Variants in LRCH3 observed in about 807,000 individuals in gnomAD.
The protein encoded by LRCH3 is DISP complex protein LRCH3.
LRCH3 carries 68 observed loss-of-function variants against 104.5 expected under a neutral mutation model. The observed-to-expected ratio is 0.65, with a 90% CI of 0.54 to 0.80. LRCH3 has a LOEUF of 0.80. Among genes scored for constraint, LRCH3 ranks in the 30% least tolerant of loss-of-function variants. The pLI, the probability that LRCH3 is intolerant of heterozygous loss-of-function variation, is 0.00. For missense variants in LRCH3, 951 were observed against 953.9 expected (o/e 1.00, Z 0.04); for synonymous variants, 344 against 361.3 (o/e 0.95, Z 0.54).
intron 14 of LRCH3, among the ~76,000 whole-genome samples, chr3:197,858,449 T>C (rs1057153375): frequency 4.6e-5 from 7 of 152,102 alleles, no homozygotes; most frequent in East Asian, 1.9e-4. Context: ...TGAAAAGATA[T>C]TGTTTTTATT....
rs888653236 is a variant in LRCH3, at chr3:197,835,554, A to G, written c.1103-120A>G. 5 of 1,294,882 alleles carry G rather than the reference A, an allele frequency of 3.9e-6. No individual in the cohort carries two copies. In the African/African-American group the frequency reaches 7.7e-5, roughly 20 times the overall value. The allele number at this position is 1,294,882 out of a possible 1,614,324, so 80.2% of individuals were successfully genotyped here. ...ATTTAAAGTTTTTATCATCCCTCCC[A>G]CTTTCAAAATAGAAAATCATGGGGA... is the stretch of plus-strand genomic sequence containing the variant. On this transcript the variant is annotated intron_variant, in intron 8 of 20. Transcript: ENST00000425562.
rs1461367507 is a variant in LRCH3 at position 197,810,044 on chromosome 3, G to T, written c.263-4864G>T. On this transcript the variant is annotated intron_variant, in intron 1 of 20. Coordinates refer to ENST00000425562, the MANE Select transcript of LRCH3 (RefSeq NM_001365715.1). This position sits in a 1 kb window ranked among gnomAD's most constrained non-coding sequence, Gnocchi z 4.0. Reference sequence around the variant, plus strand: ...GTAGGGGTGAGGCTACTCAAAGGTTGCATGGGAAGCCTGTTTTTTTCCAGT... The same window carrying T: ...GTAGGGGTGAGGCTACTCAAAGGTTTCATGGGAAGCCTGTTTTTTTCCAGT... Among the ~76,000 whole-genome samples the T allele has an allele frequency of 6.6e-6, 1 of 152,180 alleles. No homozygotes were observed. The highest frequency in any genetic ancestry group is 2.4e-5 in the African/African-American group (1 of 41,450).
At chr3:197,833,375 A>G (rs1368910122) in intron 8 of LRCH3, among the ~76,000 whole-genome samples, 10 of 146,932 alleles carry the variant, frequency 6.8e-5, no homozygotes, top group African/African-American at 2.5e-4. Context: ...GAAAAAAAAA[A>G]AAAAAAAAAA....
chr3:197,797,317 A>G, intron 1 of LRCH3, among the ~76,000 whole-genome samples: 1 of 110,968 alleles, frequency 9.0e-6, no homozygotes, highest in Admixed American at 1.2e-4. Context: ...CAACGAGCAA[A>G]ACTCCATCTC....
Position 197,886,095 on chromosome 3 carries a change from T to G in LRCH3, c.*2429T>G, listed in dbSNP as rs2109595485. ...GGCTCATGCCTATAATCCCAGCACTTTGGGAGGCCGAGGCAAGAGGATCAC... is the reference window on the plus strand; with the variant it reads ...GGCTCATGCCTATAATCCCAGCACTGTGGGAGGCCGAGGCAAGAGGATCAC... On this transcript the variant is annotated 3_prime_UTR_variant, in exon 21 of 21. Transcript: ENST00000425562. The G allele has an allele frequency of 6.6e-6, 1 of 152,190 alleles. No individual in the cohort carries two copies. Among genetic ancestry groups the G allele is most frequent in the Non-Finnish European group, 1.5e-5 (1 of 68,056 alleles). 9.4% of individuals were successfully genotyped at this position (152,190 alleles called of 1,614,324 possible).
chr3:197,854,722 A>G lies in LRCH3; in HGVS notation c.1644+277A>G, dbSNP rs1362874646. On this transcript the variant is annotated intron_variant, in intron 14 of 20. Transcript: ENST00000425562. The surrounding 1 kb of genome is among the most constrained non-coding windows in gnomAD (Gnocchi z 4.5). ...GGAATGGAGGCATAACATAATATTC[A>G]TGTTTTAAATGTGTCTAATTCCAGG... 6.6e-6 allele frequency among the ~76,000 whole-genome samples: 1 copy of G among 152,170 alleles called. No individual in the cohort carries two copies. The highest frequency in any genetic ancestry group is 2.4e-5 in the African/African-American group (1 of 41,428).
intron 8 of LRCH3, among the ~76,000 whole-genome samples, chr3:197,834,576 T>G (rs531866856): frequency 9.2e-5 from 14 of 152,340 alleles, no homozygotes; most frequent in African/African-American, 3.4e-4. Context: ...GAGTTGACTG[T>G]GTTCGGTTTT....
chr3:197,841,399 T>C (rs908403597), intron 10 of LRCH3, among the ~76,000 whole-genome samples: 4 of 152,234 alleles, frequency 2.6e-5, no homozygotes, highest in Non-Finnish European at 5.9e-5. Context: ...ATCCTCCTTA[T>C]GTTTGGAATC....
At chr3:197,879,513 G>A (rs539074102) in intron 20 of LRCH3, among the ~76,000 whole-genome samples, 4 of 151,584 alleles carry the variant, frequency 2.6e-5, no homozygotes, top group African/African-American at 7.3e-5. Context: ...GGGCGTGGTG[G>A]CGGGCGCCTG....
intron 1 of LRCH3, among the ~76,000 whole-genome samples, chr3:197,809,905 G>A (rs570046779): frequency 6.6e-6 from 1 of 152,154 alleles, no homozygotes; most frequent in South Asian, 2.1e-4. Flanking sequence ...TATTTGGTTT[G>A]AGATCTTCCT....
At position 197,812,021 on chromosome 3, in the gene LRCH3, T is replaced by A. The variant is rs1000384649; in HGVS notation, c.263-2887T>A. Among the ~76,000 whole-genome samples the A allele has an allele frequency of 2.0e-5, 3 of 152,144 alleles. 1 individual carries two copies. Among genetic ancestry groups the A allele is most frequent in the Non-Finnish European group, 4.4e-5 (3 of 68,032 alleles). On this transcript the variant is annotated intron_variant, in intron 1 of 20. Coordinates refer to ENST00000425562, the MANE Select transcript of LRCH3 (RefSeq NM_001365715.1). ...AGTACTACATGTTTGATTTTTTAAA[T>A]TGTTGTGGTAAAATATGCCATTTTA... is the stretch of plus-strand genomic sequence containing the variant.
Position 197,847,414 on chromosome 3 carries a change from C to T in LRCH3, c.1334C>T (p.Pro445Leu). ...TTTTTTCTTTTTTGGGTCAGGGTTCCAGCTGAGCCATCTTCCCTCCTGTCA... is the reference window on the plus strand; with the variant it reads ...TTTTTTCTTTTTTGGGTCAGGGTTCTAGCTGAGCCATCTTCCCTCCTGTCA... ...MRRYLHQNRV[P>L]AEPSSLLSLS... Residue 445 changes from proline (P) to leucine (L), a missense_variant, in exon 11 of 21, where the codon CCA (proline) becomes CTA (leucine). Pro to Leu is a moderately conservative substitution (Grantham distance 98, BLOSUM62 -3). Coordinates refer to ENST00000425562, the MANE Select transcript of LRCH3 (RefSeq NM_001365715.1). 1.9e-6 allele frequency: 3 copies of T among 1,595,006 alleles called. No individual in the cohort carries two copies. Among genetic ancestry groups the T allele is most frequent in the South Asian group, 1.1e-5 (1 of 87,070 alleles).
At chr3:197,832,121 C>T in intron 7 of LRCH3, 76 bp from the exon 8 acceptor site, 1 of 1,486,328 alleles carries the variant, frequency 6.7e-7, no homozygotes, top group Non-Finnish European at 9.1e-7. Flanking sequence ...TTTGGTCTCC[C>T]AAAGCGCATG....
intron 1 of LRCH3, among the ~76,000 whole-genome samples, chr3:197,805,692 T>A (rs146086573): frequency 0.02 from 3,024 of 151,256 alleles, 48 homozygotes; most frequent in East Asian, 0.049. Flanking sequence ...ATTGAAAACC[T>A]AATGACAGCC....
intron 14 of LRCH3, 89 bp from the exon 15 acceptor site, chr3:197,858,745 T>C: frequency 9.5e-7 from 1 of 1,054,842 alleles, no homozygotes; most frequent in Non-Finnish European, 1.5e-6. Context: ...ACCTTTCCTT[T>C]TCTCATTTCA....
chr3:197,852,532 CT>C (rs753155718), intron 12 of LRCH3, 28 bp from the exon 13 acceptor site: 1 of 1,611,790 alleles, frequency 6.2e-7, no homozygotes. Flanking sequence ...AACCAACTTC[CT>C]TTTTTGGGGG....
Position 197,871,329 on chromosome 3 carries a change from T to C in LRCH3, c.1997T>C (p.Ile666Thr), listed in dbSNP as rs1364710179. ...LELIDQLRKH[I>T]EYRLKVSLPC... ...ACATGTTTTTTGTTCTTTCAGCATA[T>C]TGAGTACCGGTTGAAAGTGTCTCTA... The change falls in exon 19 of 21, where the codon ATT becomes ACT. Residue 666 changes from isoleucine to threonine, a missense_variant. Transcript: ENST00000425562. 2.5e-6 allele frequency: 4 copies of C among 1,612,848 alleles called. No individual in the cohort carries two copies. The South Asian group carries it at 3.3e-5, about 13-fold the overall frequency.
At chr3:197,833,903 T>G (rs1272939660) in intron 8 of LRCH3, among the ~76,000 whole-genome samples, 1 of 152,222 alleles carries the variant, frequency 6.6e-6, no homozygotes, top group Non-Finnish European at 1.5e-5. Context: ...TTTAGCACAT[T>G]TAAAAAATGC....
At chr3:197,821,709 C>G (rs940056488) in intron 4 of LRCH3, among the ~76,000 whole-genome samples, 2 of 152,194 alleles carry the variant, frequency 1.3e-5, no homozygotes, top group Non-Finnish European at 2.9e-5. Flanking sequence ...GGTCTCACTC[C>G]CATTACTCAG....
Sources: gnomAD v4.1 joint callset for allele counts (sites outside exome capture counted in the v4.1 genomes callset) on GRCh38, gnomAD v4.1.1 for gene constraint, Gnocchi (gnomAD v3.1) non-coding constraint, MANE v1.5 for transcripts, NCBI Gene and HGNC (gene_info 2026-07-23, HGNC 2026-07-21) for gene names.